The following ABI3BP variants were observed in gnomAD, a reference collection of about 807,000 sequenced individuals.
ABI3BP encodes target of Nesh-SH3.
Under a neutral mutation model 268.6 loss-of-function variants are expected in ABI3BP, and 216 were observed. That is an observed-to-expected ratio of 0.80 (90% CI 0.72 to 0.90). The LOEUF (loss-of-function observed/expected upper bound fraction) is 0.90. Ranked by LOEUF, ABI3BP falls within the 40% of genes least tolerant of loss-of-function variation. The pLI is 0.00. For missense variants in ABI3BP, 2,090 were observed against 2,182.4 expected (o/e 0.96, Z 0.84); for synonymous variants, 730 against 730.0 (o/e 1.00, Z 0.00).
intron 51 of ABI3BP, among the ~76,000 whole-genome samples, chr3:100,804,399 A>G (rs1427124035): frequency 6.6e-6 from 1 of 152,174 alleles, no homozygotes; most frequent in Non-Finnish European, 1.5e-5. Context: ...ATCCAAGTAA[A>G]TGGCTAAACA....
chr3:100,828,678 G>A (rs890364212), intron 33 of ABI3BP, among the ~76,000 whole-genome samples: 6 of 152,036 alleles, frequency 3.9e-5, no homozygotes, highest in South Asian at 2.1e-4. Context: ...TTCAGATAAC[G>A]GTCCATGTGA....
chr3:100,966,545 A>C (rs1272449580), intron 1 of ABI3BP, among the ~76,000 whole-genome samples: 2 of 152,260 alleles, frequency 1.3e-5, no homozygotes, highest in Admixed American at 1.3e-4. Flanking sequence ...ATAGTGAAAC[A>C]GCAACAAAAT....
intron 44 of ABI3BP, 103 bp from the exon 45 acceptor site, chr3:100,813,838 C>G (rs576907941): frequency 2.0e-6 from 2 of 996,816 alleles, no homozygotes; most frequent in East Asian, 2.6e-5. Context: ...CCCTGAAAAT[C>G]ATGAGGTTAT....
intron 14 of ABI3BP, 61 bp from the exon 15 acceptor site, chr3:100,852,001 T>A: frequency 7.2e-7 from 1 of 1,383,908 alleles, no homozygotes; most frequent in Non-Finnish European, 9.8e-7. Flanking sequence ...TTTGATTAAT[T>A]TAGAAAGATT....
At chr3:100,885,487 T>G in intron 6 of ABI3BP, 49 bp downstream of exon 6, 1 of 1,105,846 alleles carries the variant, frequency 9.0e-7, no homozygotes, top group South Asian at 1.8e-5. Context: ...TCCTTAACAA[T>G]GCAGATACAA....
At chr3:100,927,718 C>A (rs965731925) in intron 1 of ABI3BP, among the ~76,000 whole-genome samples, 1 of 152,090 alleles carries the variant, frequency 6.6e-6, no homozygotes, top group African/African-American at 2.4e-5. Flanking sequence ...TTAGAAACCA[C>A]CCTTGTGATC....
At chr3:100,772,188 T>A (rs1450289411) in intron 61 of ABI3BP, among the ~76,000 whole-genome samples, 1 of 152,140 alleles carries the variant, frequency 6.6e-6, no homozygotes, top group African/African-American at 2.4e-5. Context: ...TTTCTAGACA[T>A]ACAAAATCTG....
intron 1 of ABI3BP, among the ~76,000 whole-genome samples, chr3:100,956,419 T>C (rs1389211988): frequency 6.6e-6 from 1 of 152,126 alleles, no homozygotes; most frequent in South Asian, 2.1e-4. Flanking sequence ...AAAAGGGACA[T>C]AAGCCACTTC....
Position 100,866,864 on chromosome 3 carries a change from T to C in ABI3BP, c.988+15A>G, listed in dbSNP as rs774598036. On this transcript the variant is annotated intron_variant, in intron 10 of 67. Coordinates refer to ENST00000471714, the MANE Select transcript of ABI3BP (RefSeq NM_001375547.2). ...TTTTCTTTTCTCAAGGTCAACAACA[T>C]AGCGATCTCATTACCTGTTGTGGGT... 9.9e-6 allele frequency: 16 copies of C among 1,610,278 alleles called. No homozygotes were observed. The highest frequency in any genetic ancestry group is 1.3e-5 in the Non-Finnish European group (15 of 1,177,150).
rs949410143 is a variant in ABI3BP at position 100,810,453 on chromosome 3, G to A, written c.3566C>T (p.Ser1189Phe). The change falls in exon 49 of 68, where the codon TCT (serine) becomes TTT (phenylalanine). Residue 1189 changes from serine (S) to phenylalanine (F), a missense_variant. By Grantham distance (155) the Ser-to-Phe change is radical. Coordinates refer to ENST00000471714, the MANE Select transcript of ABI3BP (RefSeq NM_001375547.2). ...TLETSPLPSQSITLPSPDEPQ... is the reference protein window; with the variant it reads ...TLETSPLPSQFITLPSPDEPQ... ...CTCATCTGGGCTGGGTAGGGTTATA[G>A]ATTGAGAAGGCAGAGGCGACGTTTC... The A allele has an allele frequency of 8.5e-6, 13 of 1,535,066 alleles. No homozygotes were observed. The highest frequency in any genetic ancestry group is 1.0e-5 in the Non-Finnish European group (12 of 1,146,148).
intron 19 of ABI3BP, among the ~76,000 whole-genome samples, 188 bp downstream of exon 19, chr3:100,847,410 TACTA>T (rs1012080466): frequency 6.6e-6 from 1 of 152,206 alleles, no homozygotes; most frequent in Non-Finnish European, 1.5e-5. Context: ...AGTTCAGATC[TACTA>T]ACTGTTGGGC....
rs140464739 is a variant in ABI3BP, at chr3:100,960,029, A to G, written c.79+33277T>C. ...ACTGTCAAGAGACAAATCAATCAAC[A>G]TAACCAGACTTTGATATGACACAGA... On this transcript the variant is annotated intron_variant, in intron 1 of 67. Coordinates refer to ENST00000471714, the MANE Select transcript of ABI3BP (RefSeq NM_001375547.2). 9.9e-3 allele frequency among the ~76,000 whole-genome samples: 1,505 copies of G among 152,360 alleles called. 7 individuals carry two copies. The highest frequency in any genetic ancestry group is 0.017 in the Non-Finnish European group (1,125 of 68,024).
intron 1 of ABI3BP, among the ~76,000 whole-genome samples, chr3:100,986,800 A>G (rs2091891447): frequency 6.6e-6 from 1 of 152,180 alleles, no homozygotes; most frequent in African/African-American, 2.4e-5. Flanking sequence ...ATAATAATAT[A>G]TATTTCACAT....
In ABI3BP at chr3:100,835,657, G is replaced by A; in HGVS notation, c.2135C>T (p.Pro712Leu). 1 of 1,534,176 alleles carries A rather than the reference G, an allele frequency of 6.5e-7. No individual in the cohort carries two copies. Among genetic ancestry groups the A allele is most frequent in the Non-Finnish European group, 8.7e-7 (1 of 1,145,626 alleles). Residue 712 changes from proline to leucine, a missense_variant, in exon 28 of 68, where the codon CCC (proline) becomes CTC (leucine). Physicochemically the swap from Pro to Leu is moderately conservative, Grantham distance 98 (BLOSUM62 -3). Coordinates refer to ENST00000471714, the MANE Select transcript of ABI3BP (RefSeq NM_001375547.2). Reference protein sequence around the residue: ...ETEAPSMTIVPTTDIEPVTVR... With the variant: ...ETEAPSMTIVLTTDIEPVTVR... ...AGTTACAGGCTCAATGTCTGTGGTGGGAACTAACCAAAAGCAATACAATAA... is the reference window on the plus strand; with the variant it reads ...AGTTACAGGCTCAATGTCTGTGGTGAGAACTAACCAAAAGCAATACAATAA...
chr3:100,793,103 C>T (rs2152106203), intron 54 of ABI3BP, among the ~76,000 whole-genome samples: 1 of 151,926 alleles, frequency 6.6e-6, no homozygotes, highest in Middle Eastern at 3.4e-3. Context: ...TTATCTCCTT[C>T]ATGTTTCTTT....
chr3:100,785,025 A>G (rs905735647), intron 57 of ABI3BP, among the ~76,000 whole-genome samples: 2 of 152,202 alleles, frequency 1.3e-5, no homozygotes, highest in Non-Finnish European at 2.9e-5. Context: ...ATGTTTATCC[A>G]TGTAACAACA....
intron 40 of ABI3BP, among the ~76,000 whole-genome samples, chr3:100,819,518 C>T (rs2098142928): frequency 6.6e-6 from 1 of 152,084 alleles, no homozygotes; most frequent in African/African-American, 2.4e-5. Context: ...AACAAGCTTC[C>T]TCCTCCTGTG....
chr3:100,952,135 C>T (rs955868738), intron 1 of ABI3BP, among the ~76,000 whole-genome samples: 2 of 152,074 alleles, frequency 1.3e-5, no homozygotes, highest in African/African-American at 2.4e-5. Context: ...ACAAATAATT[C>T]CTTAAATTTT....
At chr3:100,958,494 C>T (rs1011478383) in intron 1 of ABI3BP, among the ~76,000 whole-genome samples, 1 of 152,196 alleles carries the variant, frequency 6.6e-6, no homozygotes, top group African/African-American at 2.4e-5. Flanking sequence ...AGGAATAAGG[C>T]ATACCTGCAG....
Sources: gnomAD v4.1 joint callset for allele counts (sites outside exome capture counted in the v4.1 genomes callset) on GRCh38, gnomAD v4.1.1 for gene constraint, MANE v1.5 for transcripts, NCBI Gene and HGNC (gene_info 2026-07-23, HGNC 2026-07-21) for gene names.